DPP6: variants seen among roughly 807,000 people sequenced by gnomAD.
The protein encoded by DPP6 is A-type potassium channel modulatory protein DPP6.
DPP6 carries 69 observed loss-of-function variants against 122.6 expected under a neutral mutation model. The ratio of observed to expected loss-of-function variants is 0.56; its 90% CI spans 0.46 to 0.69. The LOEUF (loss-of-function observed/expected upper bound fraction) is 0.69, where lower values mean the gene tolerates loss of function less well. Among genes scored for constraint, DPP6 ranks in the 30% least tolerant of loss-of-function variants. The probability of loss-of-function intolerance (pLI) is 0.00; values close to 1 mark genes in which losing one functional copy is unlikely to be tolerated. For synonymous variants in DPP6, 418 were observed against 433.1 expected (o/e 0.97, Z 0.43); for missense variants, 928 against 1,116.9 (o/e 0.83, Z 2.41).
intron 4 of DPP6, among the ~76,000 whole-genome samples, chr7:154,566,363 C>T (rs890336533): frequency 2.6e-5 from 4 of 152,124 alleles, no homozygotes; most frequent in South Asian, 2.1e-4. Context: ...CTAACTGCAA[C>T]CTCTGCCTCC....
rs539004186 is a variant in DPP6 at position 154,760,802 on chromosome 7, C to A, written c.884-8615C>A. Among the ~76,000 whole-genome samples the A allele has an allele frequency of 1.3e-5, 2 of 151,490 alleles. No homozygotes were observed. Among genetic ancestry groups the A allele is most frequent in the African/African-American group, 4.9e-5 (2 of 41,204 alleles). On this transcript the variant is annotated intron_variant, in intron 8 of 25. Coordinates refer to ENST00000377770, the MANE Select transcript of DPP6 (RefSeq NM_130797.4). This position sits in a 1 kb window ranked among gnomAD's most constrained non-coding sequence, Gnocchi z 4.5. ...CAAAACAAAAAGAAGGGTAAAGGAG[C>A]CTGGCATACTGGCTCAGCCTTCCTC...
intron 1 of DPP6, among the ~76,000 whole-genome samples, chr7:154,429,770 C>A (rs1818205262): frequency 6.6e-6 from 1 of 152,172 alleles, no homozygotes; most frequent in Non-Finnish European, 1.5e-5. Context: ...TTAGGCAGGG[C>A]TTGAATGAGG....
chr7:154,802,929 G>A (rs1456909509), intron 13 of DPP6, among the ~76,000 whole-genome samples: 1 of 152,082 alleles, frequency 6.6e-6, no homozygotes, highest in Non-Finnish European at 1.5e-5. Flanking sequence ...TTTGCCCGGA[G>A]CCCTATCAAA....
chr7:154,554,910 T>A (rs1397777436), intron 4 of DPP6, among the ~76,000 whole-genome samples: 1 of 152,178 alleles, frequency 6.6e-6, no homozygotes, highest in Non-Finnish European at 1.5e-5. Context: ...ATCCTTATGA[T>A]TAAGTCACTA....
chr7:154,815,996 T>A (rs1217691778), intron 16 of DPP6, among the ~76,000 whole-genome samples: 1 of 152,192 alleles, frequency 6.6e-6, no homozygotes, highest in African/African-American at 2.4e-5. Flanking sequence ...GTCATCACCA[T>A]CATTGCCATC....
At chr7:154,455,113 C>A (rs1158596437) in intron 2 of DPP6, among the ~76,000 whole-genome samples, 1 of 152,192 alleles carries the variant, frequency 6.6e-6, no homozygotes, top group Admixed American at 6.5e-5. Flanking sequence ...GTGACGGCTT[C>A]ATGCTTCACT....
the DPP6 span, among the ~76,000 whole-genome samples, chr7:153,821,447 TATA>T: frequency 8.3e-6 from 1 of 121,110 alleles, no homozygotes; most frequent in Non-Finnish European, 1.7e-5. Flanking sequence ...TTGTCAGCTA[TATA>T]ATGAGTTGTA....
Position 154,623,420 on chromosome 7 carries a change from G to A in DPP6, c.628-14401G>A, listed in dbSNP as rs559169154. On this transcript the variant is annotated intron_variant, in intron 5 of 25. Coordinates refer to ENST00000377770, the MANE Select transcript of DPP6 (RefSeq NM_130797.4). The stretch of plus-strand genomic sequence containing the variant: ...TGGGAGGGGCGGTGCCTTTTGCTGC[G>A]TCGGGAACCTCTTGATCCCACCAGG... Among the ~76,000 whole-genome samples, 11 of 152,278 alleles carry A rather than the reference G, an allele frequency of 7.2e-5. No homozygotes were observed. The South Asian group carries it at 1.7e-3, about 23-fold the overall frequency.
At chr7:154,532,659 G>T (rs539986902) in intron 3 of DPP6, among the ~76,000 whole-genome samples, 1 of 152,024 alleles carries the variant, frequency 6.6e-6, no homozygotes, top group East Asian at 1.9e-4. Flanking sequence ...CAGATGCCAC[G>T]ATCCTACTAA....
intron 1 of DPP6, among the ~76,000 whole-genome samples, chr7:153,987,061 GA>G (rs1796882299): frequency 6.6e-6 from 1 of 152,334 alleles, no homozygotes; most frequent in East Asian, 1.9e-4. Context: ...AGACTGCTCA[GA>G]AAGTAAGCAT....
chr7:154,138,308 A>T (rs1165239760), intron 1 of DPP6, among the ~76,000 whole-genome samples: 1 of 152,226 alleles, frequency 6.6e-6, no homozygotes, highest in Non-Finnish European at 1.5e-5. Flanking sequence ...CACTTAATTC[A>T]ACTGAATGGA....
rs376837131 is a variant in DPP6 at position 154,889,155 on chromosome 7, G to A, written c.2305-117G>A. ...CAGATATAAGGCATCCCGGTTCTCC[G>A]GGAACTTAGTGTTTTCAATACACTT... On this transcript the variant is annotated intron_variant, in intron 23 of 25. Transcript: ENST00000377770. The A allele has an allele frequency of 6.8e-5, 98 of 1,446,202 alleles. No individual in the cohort carries two copies. In the East Asian group the frequency reaches 1.0e-3, roughly 15 times the overall value. The allele number at this position is 1,446,202 out of a possible 1,614,324, so 89.6% of individuals were successfully genotyped here. A position where few individuals can be genotyped will look rare whatever the true frequency, so the allele number is the denominator to read the frequency against.
intron 1 of DPP6, among the ~76,000 whole-genome samples, chr7:154,047,149 G>A (rs1353637165): frequency 6.6e-6 from 1 of 151,476 alleles, no homozygotes; most frequent in African/African-American, 2.4e-5. Context: ...GTTCCCTGTG[G>A]CTCACAGTCA....
At chr7:154,327,549 T>C (rs1291624823) in intron 1 of DPP6, among the ~76,000 whole-genome samples, 4 of 152,290 alleles carry the variant, frequency 2.6e-5, no homozygotes, top group African/African-American at 7.2e-5. Flanking sequence ...TGAGGAGTAG[T>C]GTTGACCTCA....
chr7:154,043,435 A>AAAG (rs1799865744), intron 1 of DPP6, among the ~76,000 whole-genome samples: 1 of 116,804 alleles, frequency 8.6e-6, no homozygotes, highest in Non-Finnish European at 1.7e-5. Flanking sequence ...AAAAAAAAAA[A>AAAG]AAGGACCTAT....
At chr7:154,587,769 C>T (rs770285563) in intron 5 of DPP6, 2 of 1,602,134 alleles carry the variant, frequency 1.2e-6, no homozygotes, top group African/African-American at 2.7e-5. Context: ...ATTACATCAC[C>T]ATGTCTCTTC....
intron 3 of DPP6, among the ~76,000 whole-genome samples, chr7:154,478,121 G>T (rs1191342180): frequency 6.6e-6 from 1 of 151,658 alleles, no homozygotes; most frequent in Non-Finnish European, 1.5e-5. Flanking sequence ...TTTATAATTG[G>T]TTTTTGACAA....
At chr7:154,385,303 C>G (rs1237751077) in intron 1 of DPP6, among the ~76,000 whole-genome samples, 3 of 152,156 alleles carry the variant, frequency 2.0e-5, no homozygotes, top group African/African-American at 7.2e-5. Context: ...GAAGACCCCA[C>G]TTCACAGCGA....
At chr7:154,503,225 T>G (rs1825398279) in intron 3 of DPP6, among the ~76,000 whole-genome samples, 1 of 152,250 alleles carries the variant, frequency 6.6e-6, no homozygotes, top group Admixed American at 6.5e-5. Context: ...TTTGTATGTT[T>G]GTCCTTATAT....
Sources: allele counts gnomAD v4.1 joint callset (sites outside exome capture counted in the v4.1 genomes callset), GRCh38; gene constraint gnomAD v4.1.1; non-coding constraint Gnocchi (gnomAD v3.1); transcripts MANE v1.5; gene names NCBI Gene and HGNC (gene_info 2026-07-23, HGNC 2026-07-21).